The following MIB1 variants were observed in gnomAD, a reference collection of about 807,000 sequenced individuals.
MIB1 encodes the protein E3 ubiquitin-protein ligase MIB1.
MIB1 carries 278 observed loss-of-function variants against 124.5 expected under a neutral mutation model. The ratio of observed to expected loss-of-function variants is 2.23; its 90% confidence interval spans 2.02 to 2.47. The LOEUF (loss-of-function observed/expected upper bound fraction) is 2.47. Among genes scored for constraint, MIB1 ranks in the 30% most tolerant of loss-of-function variants. MIB1 has a pLI of 0.00. For missense variants in MIB1, 957 were observed against 1,254.4 expected (o/e 0.76, Z 3.58); for synonymous variants, 446 against 429.4 (o/e 1.04, Z -0.48).
chr18:21,804,750 C>T (rs1321226498), intron 10 of MIB1, among the ~76,000 whole-genome samples: 1 of 152,172 alleles, frequency 6.6e-6, no homozygotes, highest in Non-Finnish European at 1.5e-5. Flanking sequence ...AAAACACTCT[C>T]ATCTGTGAGT....
In MIB1 at chr18:21,815,727, C is replaced by T; in HGVS notation, c.1591C>T (p.Gln531Ter). The change falls in exon 11 of 21, where the codon CAG (glutamine) becomes TAG (stop). Residue 531 changes from glutamine (Q) to a stop codon, truncating the protein, a stop_gained. Transcript: ENST00000261537. LOFTEE classifies it high-confidence loss of function. ...ADLNARNKRR[Q>*]TPLHIAVNKG... is the part of the protein sequence containing the mutation. ...TTTGAATGCTCGAAACAAGCGCCGA[C>T]AGACACCACTTCATATTGCTGTCAA... is the stretch of plus-strand genomic sequence containing the variant. 3.1e-6 allele frequency: 5 copies of T among 1,614,126 alleles called. No individual in the cohort carries two copies. The highest frequency in any genetic ancestry group is 4.2e-6 in the Non-Finnish European group (5 of 1,179,998).
At chr18:21,715,809 A>C (rs1397929220) in intron 1 of MIB1, among the ~76,000 whole-genome samples, 2 of 152,114 alleles carry the variant, frequency 1.3e-5, no homozygotes, top group African/African-American at 4.8e-5. Context: ...ATCCAACAAA[A>C]ACAAAGAAAA....
chr18:21,749,719 A>C (rs2040952787), intron 1 of MIB1, among the ~76,000 whole-genome samples: 1 of 143,254 alleles, frequency 7.0e-6, no homozygotes, highest in African/African-American at 2.8e-5. Flanking sequence ...TGGCTCATCA[A>C]AACCTCTGCC....
intron 9 of MIB1, 21 bp downstream of exon 9, chr18:21,799,995 T>G: frequency 6.2e-7 from 1 of 1,603,370 alleles, no homozygotes; most frequent in Non-Finnish European, 8.5e-7. Context: ...TAAAAATTAT[T>G]TTGAAGCATA....
chr18:21,779,866 GTGTGTGTGTGTGTGTGTGTGTGTGTCT>G (rs1568198197), intron 6 of MIB1, among the ~76,000 whole-genome samples, 181 bp downstream of exon 6: 1 of 70,508 alleles, frequency 1.4e-5, no homozygotes, highest in Non-Finnish European at 2.6e-5. Flanking sequence ...AATTACGTGT[GTGTGTGTGTGTGTGTGTGTGTGTGTCT>G]TGTGTGTGTA....
intron 18 of MIB1, chr18:21,854,854 G>T: frequency 4.7e-6 from 1 of 213,254 alleles, no homozygotes; most frequent in Non-Finnish European, 9.9e-6. Context: ...CTGGGCACAC[G>T]CCACATGCAG....
At chr18:21,711,142 A>G (rs1319712728) in intron 1 of MIB1, among the ~76,000 whole-genome samples, 1 of 152,076 alleles carries the variant, frequency 6.6e-6, no homozygotes, top group Admixed American at 6.5e-5. Flanking sequence ...GGCTGATTTT[A>G]TACAGCACTT....
chr18:21,735,341 T>C (rs1318561985), intron 1 of MIB1, among the ~76,000 whole-genome samples: 2 of 152,200 alleles, frequency 1.3e-5, no homozygotes, highest in African/African-American at 4.8e-5. Flanking sequence ...CCGGATCAGA[T>C]ACTGTGCTTT....
At chr18:21,745,451 G>A (rs899929544) in intron 1 of MIB1, among the ~76,000 whole-genome samples, 1 of 152,080 alleles carries the variant, frequency 6.6e-6, no homozygotes, top group African/African-American at 2.4e-5. Flanking sequence ...TCCCCTAGTG[G>A]GGGCAAAATT....
intron 3 of MIB1, among the ~76,000 whole-genome samples, chr18:21,769,735 A>C: frequency 6.6e-6 from 1 of 152,204 alleles, no homozygotes; most frequent in Non-Finnish European, 1.5e-5. Flanking sequence ...GGGGGCTGGA[A>C]GTCATCTTTC....
intron 1 of MIB1, among the ~76,000 whole-genome samples, chr18:21,764,535 C>T (rs1217379932): frequency 2.0e-5 from 3 of 152,140 alleles, no homozygotes; most frequent in African/African-American, 4.8e-5. Flanking sequence ...ATATTACATT[C>T]CCCAAAGGGG....
chr18:21,741,760 CT>C lies in MIB1; in HGVS notation c.178del (p.Tyr60ThrfsTer61). 6.2e-7 allele frequency: 1 copy of C among 1,610,444 alleles called. No homozygotes were observed. The highest frequency in any genetic ancestry group is 1.7e-4 in the Middle Eastern group (1 of 5,972). ...TGTGGGACAACGGCACAGCTGCCAACTACCGCTGCTCCGGGGCTTACGACCT... is the reference window on the plus strand; with the variant it reads ...TGTGGGACAACGGCACAGCTGCCAACACCGCTGCTCCGGGGCTTACGACCT... Reference protein sequence around the residue: ...VVWDNGTAANYRCSGAYDLRI... With the variant: ...VVWDNGTAANXRCSGAYDLRI... On this transcript the variant is annotated frameshift_variant, in exon 1 of 21. Transcript: ENST00000261537. LOFTEE classifies it high-confidence loss of function. The surrounding 1 kb of genome is among the most constrained non-coding windows in gnomAD (Gnocchi z 5.4).
chr18:21,712,370 T>C (rs1419391089), intron 1 of MIB1, among the ~76,000 whole-genome samples: 1 of 152,162 alleles, frequency 6.6e-6, no homozygotes, highest in Non-Finnish European at 1.5e-5. Context: ...CTGTGATTCA[T>C]TTCCAACCAA....
intron 1 of MIB1, among the ~76,000 whole-genome samples, chr18:21,706,868 C>T (rs1010297826): frequency 3.0e-4 from 46 of 152,190 alleles, no homozygotes; most frequent in East Asian, 1.9e-4. Context: ...TCTGCCAAGC[C>T]GGGTTCCATC....
At chr18:21,822,610 T>G (rs539488976) in intron 12 of MIB1, among the ~76,000 whole-genome samples, 15 of 152,252 alleles carry the variant, frequency 9.9e-5, no homozygotes, top group African/African-American at 3.1e-4. Flanking sequence ...CACTGAAGAG[T>G]ATCAGATGAC....
chr18:21,723,071 C>T (rs1426468350), intron 1 of MIB1, among the ~76,000 whole-genome samples: 3 of 152,160 alleles, frequency 2.0e-5, no homozygotes, highest in Admixed American at 1.3e-4. Context: ...CTCTTCTCCC[C>T]ATTTATTTAT....
chr18:21,777,078 G>T (rs569392761), intron 4 of MIB1, among the ~76,000 whole-genome samples: 37 of 152,188 alleles, frequency 2.4e-4, no homozygotes, highest in African/African-American at 7.9e-4. Context: ...TATTAGTTTT[G>T]AATAATTTCC....
intron 20 of MIB1, among the ~76,000 whole-genome samples, chr18:21,859,759 C>G (rs183269688): frequency 6.6e-5 from 10 of 151,438 alleles, no homozygotes; most frequent in Non-Finnish European, 1.2e-4. Context: ...CATGGTGGCG[C>G]GCACCTGTAG....
rs995675657 is a variant in MIB1 at position 21,868,526 on chromosome 18, CAGAATT to C, written c.*3864_*3869del. 6.6e-6 allele frequency: 1 copy of C among 152,306 alleles called. No homozygotes were observed. The highest frequency in any genetic ancestry group is 1.5e-5 in the Non-Finnish European group (1 of 67,856). The allele number at this position is 152,306 out of a possible 1,614,324, so 9.4% of individuals were successfully genotyped here. A position where few individuals can be genotyped will look rare whatever the true frequency, so the allele number is the denominator to read the frequency against. On this transcript the variant is annotated 3_prime_UTR_variant, in exon 21 of 21. Coordinates refer to ENST00000261537, the MANE Select transcript of MIB1 (RefSeq NM_020774.4). ...GAGGGGAGAGGCACATTTTAAATAT[CAGAATT>C]AGATTAGCTTTGAGTTTGTACAATT...
Sources: allele counts gnomAD v4.1 joint callset (sites outside exome capture counted in the v4.1 genomes callset), GRCh38; gene constraint gnomAD v4.1.1; non-coding constraint Gnocchi (gnomAD v3.1); transcripts MANE v1.5; gene names NCBI Gene and HGNC (gene_info 2026-07-23, HGNC 2026-07-21).